MFHAS1: variants seen among roughly 807,000 people sequenced by gnomAD.
MFHAS1 encodes multifunctional ROCO family signaling regulator 1, also known as malignant fibrous histiocytoma-amplified sequence 1.
In MFHAS1, 50 loss-of-function variants were observed where a neutral mutation model predicts 70.4. The observed-to-expected ratio is 0.71, with a 90% CI of 0.57 to 0.90. MFHAS1 has a LOEUF of 0.90. Ranked by LOEUF, MFHAS1 falls within the 40% of genes least tolerant of loss-of-function variation. The probability of loss-of-function intolerance (pLI) is 0.00; values close to 1 mark genes in which losing one functional copy is unlikely to be tolerated. For synonymous variants in MFHAS1, 952 were observed against 620.0 expected, an observed-to-expected ratio of 1.54 and a Z score of -7.96; for missense variants, 1,795 against 1,347.6, an observed-to-expected ratio of 1.33 and a Z score of -5.20.
At chr8:8,855,927 T>C (rs1808422214) in intron 1 of MFHAS1, among the ~76,000 whole-genome samples, 1 of 152,156 alleles carries the variant, frequency 6.6e-6, no homozygotes, top group Non-Finnish European at 1.5e-5. Context: ...GACAAGGTAA[T>C]GTGAAGGGGG....
chr8:8,787,379 C>T (rs1329823830), intron 2 of MFHAS1, among the ~76,000 whole-genome samples: 1 of 152,074 alleles, frequency 6.6e-6, no homozygotes, highest in Non-Finnish European at 1.5e-5. Context: ...TGCGCCCGGC[C>T]TCAGCATCTT....
chr8:8,870,290 CA>C (rs61229252), intron 1 of MFHAS1, among the ~76,000 whole-genome samples: 1,339 of 112,888 alleles, frequency 0.012, 6 homozygotes, highest in African/African-American at 0.03. Context: ...CCTGTCTCTA[CA>C]AAAAAAAAAA....
chr8:8,885,511 G>C (rs891130030), intron 1 of MFHAS1, among the ~76,000 whole-genome samples: 1 of 152,162 alleles, frequency 6.6e-6, no homozygotes, highest in African/African-American at 2.4e-5. Context: ...AACTTCAAGA[G>C]TACCAACTCT....
At chr8:8,873,730 G>C (rs1563214842) in intron 1 of MFHAS1, among the ~76,000 whole-genome samples, 1 of 152,216 alleles carries the variant, frequency 6.6e-6, no homozygotes, top group Non-Finnish European at 1.5e-5. Flanking sequence ...CGCAGCGCGG[G>C]AAGATTTTTG....
chr8:8,795,306 G>A (rs1018722907), intron 2 of MFHAS1, among the ~76,000 whole-genome samples: 1 of 152,214 alleles, frequency 6.6e-6, no homozygotes, highest in African/African-American at 2.4e-5. Flanking sequence ...CAATTTCAAA[G>A]AAATTAAAAG....
At chr8:8,804,344 T>C (rs1806204407) in intron 1 of MFHAS1, among the ~76,000 whole-genome samples, 1 of 152,192 alleles carries the variant, frequency 6.6e-6, no homozygotes, top group African/African-American at 2.4e-5. Flanking sequence ...CAGGCATTTG[T>C]GGAATTCTCA....
intron 1 of MFHAS1, among the ~76,000 whole-genome samples, chr8:8,814,845 ATTTC>A (rs1219095726): frequency 1.9e-5 from 2 of 107,362 alleles, no homozygotes; most frequent in African/African-American, 3.5e-5. Flanking sequence ...GCCTGCTAGA[ATTTC>A]TTTTTTTTTT....
chr8:8,849,516 G>GT (rs1274201490), intron 1 of MFHAS1, among the ~76,000 whole-genome samples: 1 of 152,228 alleles, frequency 6.6e-6, no homozygotes, highest in African/African-American at 2.4e-5. Context: ...TTCTGTGTCA[G>GT]TAAGAAACGT....
intron 1 of MFHAS1, among the ~76,000 whole-genome samples, chr8:8,799,116 C>T (rs763905296): frequency 1.1e-4 from 16 of 151,916 alleles, no homozygotes; most frequent in Admixed American, 2.6e-4. Context: ...CCCCCTTATC[C>T]CTCAGACATG....
chr8:8,872,370 G>C (rs770175975), intron 1 of MFHAS1, among the ~76,000 whole-genome samples: 2 of 152,122 alleles, frequency 1.3e-5, no homozygotes, highest in Non-Finnish European at 2.9e-5. Flanking sequence ...TAAATCAGAA[G>C]ATTTATGAAC....
At chr8:8,810,549 A>C (rs1233519929) in intron 1 of MFHAS1, among the ~76,000 whole-genome samples, 2 of 152,168 alleles carry the variant, frequency 1.3e-5, no homozygotes, top group East Asian at 1.9e-4. Flanking sequence ...GATCTTTATG[A>C]CAATCCACTT....
At chr8:8,819,207 T>C (rs749132043) in intron 1 of MFHAS1, among the ~76,000 whole-genome samples, 4 of 152,196 alleles carry the variant, frequency 2.6e-5, no homozygotes, top group Non-Finnish European at 5.9e-5. Context: ...TCTACTACCA[T>C]TTTGGGGTGG....
chr8:8,822,466 G>C (rs936645282), intron 1 of MFHAS1, among the ~76,000 whole-genome samples: 1 of 150,934 alleles, frequency 6.6e-6, no homozygotes, highest in African/African-American at 2.4e-5. Context: ...CAAGTCAGGG[G>C]GGATTGAGAT....
Position 8,890,152 on chromosome 8 carries a change from T to C in MFHAS1, c.2907A>G (p.Leu969=), listed in dbSNP as rs750864301. 43 of 1,614,208 alleles carry C rather than the reference T, an allele frequency of 2.7e-5. No homozygotes were observed. The highest frequency in any genetic ancestry group is 1.1e-4 in the East Asian group (5 of 44,878). The change falls in exon 1 of 3, where the codon CTA becomes CTG. Residue 969 remains leucine (L), a synonymous_variant. Transcript: ENST00000276282. ...AGTGCAGTCCAGGCCATTCCTGAAG[T>C]AGGACATTCAGTTCCTCCACCAAGG... The part of the protein sequence containing the change: ...ITPLVEELNV[L]LQEWPGLHYT...
At chr8:8,847,601 G>A (rs1159273324) in intron 1 of MFHAS1, among the ~76,000 whole-genome samples, 2 of 152,162 alleles carry the variant, frequency 1.3e-5, no homozygotes, top group African/African-American at 4.8e-5. Flanking sequence ...TATATACTAA[G>A]AAATAAAAAG....
chr8:8,810,991 C>A (rs1169105860), intron 1 of MFHAS1, among the ~76,000 whole-genome samples: 1 of 152,118 alleles, frequency 6.6e-6, no homozygotes, highest in East Asian at 1.9e-4. Flanking sequence ...ACCCACAGCA[C>A]CTCAAGGCCA....
In MFHAS1 at chr8:8,892,815, G is replaced by A; in HGVS notation, c.244C>T (p.Leu82=). The A allele has an allele frequency of 6.3e-7, 1 of 1,590,852 alleles. No individual in the cohort carries two copies. Among genetic ancestry groups the A allele is most frequent in the Non-Finnish European group, 8.6e-7 (1 of 1,169,212 alleles). The change falls in exon 1 of 3, where the codon CTG becomes TTG. Residue 82 remains leucine (L), a synonymous_variant. Transcript: ENST00000276282. The surrounding 1 kb of genome is among the most constrained non-coding windows in gnomAD (Gnocchi z 4.7). ...NNGLEEVPEG[L]GSALGSLRVL... is the part of the protein sequence containing the mutation. The stretch of plus-strand genomic sequence containing the variant: ...CGCAGGCTGCCCAGCGCCGACCCCA[G>A]CCCCTCGGGTACCTCCTCCAGGCCG...
chr8:8,785,934 G>T lies in MFHAS1; in HGVS notation c.*88C>A. The T allele has an allele frequency of 7.3e-7, 1 of 1,370,664 alleles. No homozygotes were observed. Among genetic ancestry groups the T allele is most frequent in the Non-Finnish European group, 1.0e-6 (1 of 958,466 alleles). 84.9% of individuals were successfully genotyped at this position (1,370,664 alleles called of 1,614,324 possible). The stretch of plus-strand genomic sequence containing the variant: ...ACTCAAGTTCACAGAACACGCTGGG[G>T]TGAGTGCAGAGGGTCTGCCAGGTGC... On this transcript the variant is annotated 3_prime_UTR_variant, in exon 3 of 3. Coordinates refer to ENST00000276282, the MANE Select transcript of MFHAS1 (RefSeq NM_004225.3).
chr8:8,864,047 G>C (rs1331962785), intron 1 of MFHAS1, among the ~76,000 whole-genome samples: 1 of 152,052 alleles, frequency 6.6e-6, no homozygotes, highest in Non-Finnish European at 1.5e-5. Flanking sequence ...TAGTTACATT[G>C]CCTTCCCACT....
Sources: allele counts gnomAD v4.1 joint callset (sites outside exome capture counted in the v4.1 genomes callset), GRCh38; gene constraint gnomAD v4.1.1; non-coding constraint Gnocchi (gnomAD v3.1); transcripts MANE v1.5; gene names NCBI Gene and HGNC (gene_info 2026-07-23, HGNC 2026-07-21).